Variants in MED13 observed in about 807,000 individuals in gnomAD.
MED13 encodes mediator complex subunit 13, also known as mediator of RNA polymerase II transcription subunit 13.
MED13 carries 23 observed loss-of-function variants against 225.2 expected under a neutral mutation model. The ratio of observed to expected loss-of-function variants is 0.10; its 90% confidence interval spans 0.07 to 0.14. MED13 has a LOEUF of 0.14. Ranked by LOEUF, MED13 falls within the 10% of genes least tolerant of loss-of-function variation. The pLI is 1.00. For missense variants in MED13, 2,197 were observed against 2,594.5 expected (o/e 0.85, Z 3.33); for synonymous variants, 942 against 889.2 (o/e 1.06, Z -1.06).
chr17:62,007,129 T>C (rs1330135590), intron 9 of MED13: 1 of 151,906 alleles, frequency 6.6e-6, no homozygotes, highest in Non-Finnish European at 1.5e-5. Flanking sequence ...TAGTCCCAGT[T>C]CCTCTGGAGG....
chr17:61,976,260 T>C (rs2080155465), intron 16 of MED13, among the ~76,000 whole-genome samples: 1 of 152,212 alleles, frequency 6.6e-6, no homozygotes, highest in Non-Finnish European at 1.5e-5. Context: ...ATAGCATAGA[T>C]GAACCTTGAA....
chr17:61,991,753 C>T (rs888649243), intron 11 of MED13, among the ~76,000 whole-genome samples: 1 of 152,106 alleles, frequency 6.6e-6, no homozygotes, highest in African/African-American at 2.4e-5. Context: ...CGTGATCCGC[C>T]CGCCACGGCC....
At position 61,952,811 on chromosome 17, in the gene MED13, ATTTT is replaced by A. The variant is rs529538319; in HGVS notation, c.6117+150_6117+153del. 3.3e-5 allele frequency among the ~76,000 whole-genome samples: 5 copies of A among 152,154 alleles called. No homozygotes were observed. The South Asian group carries it at 1.0e-3, about 32-fold the overall frequency. ...GCCACCTTACCCGGCTATTTTTTAC[ATTTT>A]TAGTAGAGATGGGGTTTCACCATAT... is the stretch of plus-strand genomic sequence containing the variant. On this transcript the variant is annotated intron_variant, in intron 27 of 29. Coordinates refer to ENST00000397786, the MANE Select transcript of MED13 (RefSeq NM_005121.3).
intron 3 of MED13, among the ~76,000 whole-genome samples, chr17:62,049,930 C>CAAAAAAAAAAAAAAAA (rs544006035): frequency 4.2e-5 from 4 of 96,208 alleles, no homozygotes; most frequent in Non-Finnish European, 6.1e-5. Flanking sequence ...GCTCTGTCTC[C>CAAAAAAAAAAAAAAAA]AAAAAAAAAA....
Position 61,946,368 on chromosome 17 carries a change from T to A in MED13, c.*100A>T. ...TTGAAGTAATAAGAATTAGACCCCA[T>A]CACAAATGACCTTCACTGAGAAGAT... is the stretch of plus-strand genomic sequence containing the variant. On this transcript the variant is annotated 3_prime_UTR_variant, in exon 30 of 30. Transcript: ENST00000397786. 1.4e-6 allele frequency: 2 copies of A among 1,382,152 alleles called. No individual in the cohort carries two copies. The highest frequency in any genetic ancestry group is 2.0e-6 in the Non-Finnish European group (2 of 1,011,590). The allele number at this position is 1,382,152 out of a possible 1,614,324, so 85.6% of individuals were successfully genotyped here.
chr17:61,959,419 T>G (rs2079978112), intron 23 of MED13, among the ~76,000 whole-genome samples: 1 of 152,116 alleles, frequency 6.6e-6, no homozygotes, highest in African/African-American at 2.4e-5. Context: ...TTCTCTACTT[T>G]CTCATACTTC....
intron 9 of MED13, among the ~76,000 whole-genome samples, chr17:61,999,974 G>C (rs987557928): frequency 6.6e-6 from 1 of 152,160 alleles, no homozygotes; most frequent in Non-Finnish European, 1.5e-5. Flanking sequence ...GGAGGCTAAG[G>C]AGGATGGATG....
intron 9 of MED13, chr17:62,004,368 T>C (rs1218513053): frequency 2.6e-5 from 4 of 152,196 alleles, no homozygotes; most frequent in Admixed American, 6.5e-5. Flanking sequence ...AAAAGCAGCA[T>C]ACAGGATAGG....
intron 12 of MED13, among the ~76,000 whole-genome samples, chr17:61,985,392 G>C (rs1003387625): frequency 6.6e-6 from 1 of 152,096 alleles, no homozygotes; most frequent in African/African-American, 2.4e-5. Flanking sequence ...AGTAATAAGA[G>C]GCCGGACATG....
Position 61,942,998 on chromosome 17 carries a change from TA to T in MED13, c.*3469del, listed in dbSNP as rs2079826269. On this transcript the variant is annotated 3_prime_UTR_variant, in exon 30 of 30. Transcript: ENST00000397786. ...TTCATGAATACATCAACCTGAGGAG[TA>T]TTTTAGGTCCCAAATCCAGTTTTTA... 6.6e-6 allele frequency: 1 copy of T among 152,486 alleles called. No individual in the cohort carries two copies. The highest frequency in any genetic ancestry group is 1.9e-4 in the East Asian group (1 of 5,184). The allele number at this position is 152,486 out of a possible 1,614,324, so 9.4% of individuals were successfully genotyped here. A position where few individuals can be genotyped will look rare whatever the true frequency, so the allele number is the denominator to read the frequency against.
chr17:62,044,418 A>G (rs1321102032), intron 3 of MED13, among the ~76,000 whole-genome samples: 1 of 152,190 alleles, frequency 6.6e-6, no homozygotes, highest in African/African-American at 2.4e-5. Context: ...CTTCCTGTGA[A>G]CTTTTACTGC....
At chr17:62,049,705 G>C (rs2080937746) in intron 3 of MED13, among the ~76,000 whole-genome samples, 1 of 152,154 alleles carries the variant, frequency 6.6e-6, no homozygotes, top group African/African-American at 2.4e-5. Flanking sequence ...GCCGAGGTGG[G>C]CGGATCACAA....
intron 12 of MED13, among the ~76,000 whole-genome samples, chr17:61,986,788 A>T (rs1003464819): frequency 1.3e-5 from 2 of 152,216 alleles, no homozygotes; most frequent in African/African-American, 4.8e-5. Context: ...ATGTAAAAAC[A>T]AAAGGAGAAA....
intron 5 of MED13, among the ~76,000 whole-genome samples, chr17:62,033,288 T>C (rs1310093127): frequency 6.6e-6 from 1 of 152,232 alleles, no homozygotes; most frequent in African/African-American, 2.4e-5. Context: ...GTGGTAGTTT[T>C]ACCAAATGTT....
At chr17:61,973,219 T>A (rs1355437323) in intron 16 of MED13, among the ~76,000 whole-genome samples, 1 of 152,202 alleles carries the variant, frequency 6.6e-6, no homozygotes, top group African/African-American at 2.4e-5. Flanking sequence ...GTGCTGTAGG[T>A]ATTTTACCAG....
intron 17 of MED13, among the ~76,000 whole-genome samples, chr17:61,970,796 G>A (rs1435990968): frequency 2.9e-5 from 4 of 139,136 alleles, no homozygotes; most frequent in Admixed American, 7.6e-5. Context: ...AGGGTGAGTT[G>A]GGCAGATCAC....
chr17:61,961,132 T>A (rs1318081788), intron 22 of MED13, 42 bp from the exon 23 acceptor site: 1 of 1,417,130 alleles, frequency 7.1e-7, no homozygotes, highest in Admixed American at 2.0e-5. Flanking sequence ...CTATACAATC[T>A]TAGAGAAATA....
At chr17:61,958,996 C>G (rs1205351481) in intron 23 of MED13, among the ~76,000 whole-genome samples, 1 of 151,812 alleles carries the variant, frequency 6.6e-6, no homozygotes, top group Non-Finnish European at 1.5e-5. Flanking sequence ...GACTCCATCA[C>G]TGCCCCTCTT....
At chr17:61,992,939 GTATTT>G (rs1025353937) in intron 10 of MED13, among the ~76,000 whole-genome samples, 1 of 152,060 alleles carries the variant, frequency 6.6e-6, no homozygotes, top group African/African-American at 2.4e-5. Context: ...GCTAATTTTT[GTATTT>G]TTAGTAGAGA....
Sources: gnomAD v4.1 joint callset for allele counts (sites outside exome capture counted in the v4.1 genomes callset) on GRCh38, gnomAD v4.1.1 for gene constraint, MANE v1.5 for transcripts, NCBI Gene and HGNC (gene_info 2026-07-23, HGNC 2026-07-21) for gene names.